Variants in BCL2 observed in about 807,000 individuals in gnomAD.
BCL2 encodes the protein apoptosis regulator Bcl-2.
In BCL2, 1 loss-of-function variant was observed where a neutral mutation model predicts 14.2. The observed-to-expected ratio is 0.07, with a 90% CI of 0.02 to 0.33. The LOEUF is 0.33. Ranked by LOEUF, BCL2 falls within the 10% of genes least tolerant of loss-of-function variation. BCL2 has a pLI of 0.99. For missense variants in BCL2, 247 were observed against 305.9 expected, an observed-to-expected ratio of 0.81 and a Z score of 1.44; for synonymous variants, 151 against 137.2, an observed-to-expected ratio of 1.10 and a Z score of -0.70.
chr18:63,197,925 C>T (rs529979658), intron 2 of BCL2, among the ~76,000 whole-genome samples: 2 of 152,256 alleles, frequency 1.3e-5, no homozygotes, highest in East Asian at 3.9e-4. Flanking sequence ...ATCTGTCTTC[C>T]TCAGTCTGGT....
At chr18:63,187,373 A>G (rs1211412767) in intron 2 of BCL2, among the ~76,000 whole-genome samples, 1 of 152,246 alleles carries the variant, frequency 6.6e-6, no homozygotes, top group Non-Finnish European at 1.5e-5. Flanking sequence ...GGGGACTCAC[A>G]GCTGTACAGA....
At chr18:63,302,644 T>G in intron 2 of BCL2, 1 of 984,978 alleles carries the variant, frequency 1.0e-6, no homozygotes, top group Non-Finnish European at 1.2e-6. Flanking sequence ...GAATTCAGAG[T>G]GAGTTAAATA....
chr18:63,128,782 A>G (rs762348556), intron 2 of BCL2, 23 bp from the exon 3 acceptor site: 1 of 773,676 alleles, frequency 1.3e-6, no homozygotes, highest in Admixed American at 1.7e-5. Context: ...GAGAGGAGGG[A>G]AGAAAAAGAA....
chr18:63,251,741 C>A (rs1348441244), intron 2 of BCL2, among the ~76,000 whole-genome samples: 39 of 150,744 alleles, frequency 2.6e-4, no homozygotes, highest in Non-Finnish European at 5.3e-4. Context: ...TCTTGTTGCC[C>A]AGGCTGGAGT....
intron 2 of BCL2, among the ~76,000 whole-genome samples, chr18:63,291,547 G>A (rs1171215014): frequency 6.6e-6 from 1 of 152,126 alleles, no homozygotes; most frequent in Non-Finnish European, 1.5e-5. Context: ...GAATCATTCA[G>A]AGGAAGTTAA....
At chr18:63,282,178 T>C (rs889461073) in intron 2 of BCL2, among the ~76,000 whole-genome samples, 1 of 152,230 alleles carries the variant, frequency 6.6e-6, no homozygotes, top group Non-Finnish European at 1.5e-5. Flanking sequence ...AAATGTTACC[T>C]GACTCAATAA....
intron 2 of BCL2, among the ~76,000 whole-genome samples, chr18:63,271,074 G>A (rs559092012): frequency 1.5e-4 from 23 of 152,130 alleles, no homozygotes; most frequent in South Asian, 6.2e-4. Context: ...CACCCACCTC[G>A]GCCTTCCGAA....
chr18:63,211,181 C>T (rs1909993448), intron 2 of BCL2, among the ~76,000 whole-genome samples: 1 of 150,884 alleles, frequency 6.6e-6, no homozygotes, highest in Non-Finnish European at 1.5e-5. Flanking sequence ...AGCGATTCTC[C>T]CGAGTAGCTG....
chr18:63,165,018 A>C (rs1410731800), intron 2 of BCL2, among the ~76,000 whole-genome samples: 1 of 152,268 alleles, frequency 6.6e-6, no homozygotes, highest in African/African-American at 2.4e-5. Flanking sequence ...ACATGTATAC[A>C]TATGTAACTA....
At chr18:63,214,251 T>C (rs1306545441) in intron 2 of BCL2, among the ~76,000 whole-genome samples, 3 of 152,056 alleles carry the variant, frequency 2.0e-5, no homozygotes, top group Admixed American at 6.6e-5. Flanking sequence ...AGACAATCCA[T>C]GAATTGGAGG....
intron 2 of BCL2, among the ~76,000 whole-genome samples, chr18:63,183,518 G>A (rs913918518): frequency 3.9e-5 from 6 of 152,330 alleles, no homozygotes; most frequent in East Asian, 3.9e-4. Context: ...GGGCCTCCGC[G>A]CTTGGCCATC....
At chr18:63,292,027 G>A (rs1222553968) in intron 2 of BCL2, among the ~76,000 whole-genome samples, 1 of 152,044 alleles carries the variant, frequency 6.6e-6, no homozygotes, top group South Asian at 2.1e-4. Context: ...CCAGTGATGT[G>A]GACAGATCAT....
chr18:63,184,254 T>C (rs2144645113), intron 2 of BCL2, among the ~76,000 whole-genome samples: 1 of 152,374 alleles, frequency 6.6e-6, no homozygotes, highest in Non-Finnish European at 1.5e-5. Flanking sequence ...TCTAACTTCC[T>C]GTATTCAGAT....
At chr18:63,137,929 A>G (rs1003934961) in intron 2 of BCL2, among the ~76,000 whole-genome samples, 1 of 152,208 alleles carries the variant, frequency 6.6e-6, no homozygotes, top group Non-Finnish European at 1.5e-5. Flanking sequence ...CTAGACATCT[A>G]TGCAAACGTA....
At chr18:63,217,652 T>C (rs993254962) in intron 2 of BCL2, among the ~76,000 whole-genome samples, 6 of 152,230 alleles carry the variant, frequency 3.9e-5, no homozygotes, top group African/African-American at 1.4e-4. Flanking sequence ...GTGACCATCC[T>C]TTGAGTTCAG....
chr18:63,245,868 T>C (rs1204307205), intron 2 of BCL2, among the ~76,000 whole-genome samples: 1 of 152,190 alleles, frequency 6.6e-6, no homozygotes, highest in East Asian at 1.9e-4. Context: ...TATAAGGCAG[T>C]AGCTTGCCCA....
chr18:63,225,248 C>T (rs895554795), intron 2 of BCL2, among the ~76,000 whole-genome samples: 3 of 151,984 alleles, frequency 2.0e-5, no homozygotes, highest in Non-Finnish European at 2.9e-5. Flanking sequence ...ACACTAGGGG[C>T]TGATTTACCC....
At chr18:63,146,324 C>T (rs1302950095) in intron 2 of BCL2, among the ~76,000 whole-genome samples, 2 of 152,232 alleles carry the variant, frequency 1.3e-5, no homozygotes, top group Non-Finnish European at 2.9e-5. Context: ...AGGGACCTTC[C>T]AGCCCGCCTC....
At chr18:63,283,627 C>T (rs960423692) in intron 2 of BCL2, among the ~76,000 whole-genome samples, 1 of 152,138 alleles carries the variant, frequency 6.6e-6, no homozygotes, top group Non-Finnish European at 1.5e-5. Context: ...TCATGGGAAC[C>T]GTATCCCAAC....
Sources: allele counts gnomAD v4.1 joint callset (sites outside exome capture counted in the v4.1 genomes callset), GRCh38; gene constraint gnomAD v4.1.1; transcripts MANE v1.5; gene names NCBI Gene and HGNC (gene_info 2026-07-23, HGNC 2026-07-21).